NRG2: variants seen among roughly 807,000 people sequenced by gnomAD.
NRG2 encodes pro-neuregulin-2, membrane-bound isoform.
In NRG2, 27 loss-of-function variants were observed where a neutral mutation model predicts 73.9. The ratio of observed to expected loss-of-function variants is 0.37; its 90% CI spans 0.27 to 0.50. The LOEUF is 0.50. Among genes scored for constraint, NRG2 ranks in the 20% least tolerant of loss-of-function variants. The pLI is 0.96. For synonymous variants in NRG2, 532 were observed against 541.0 expected (o/e 0.98, Z 0.23); for missense variants, 1,126 against 1,210.1 (o/e 0.93, Z 1.03).
At chr5:139,848,751 AG>A (rs1039990140) in intron 9 of NRG2, 54 bp from the exon 10 acceptor site, 70 of 41,176 alleles carry the variant, frequency 1.7e-3, no homozygotes, top group Non-Finnish European at 2.1e-3. Context: ...GGCGCGGGGG[AG>A]GGGGGGTTGG....
chr5:139,905,356 G>A (rs914080360), intron 1 of NRG2, among the ~76,000 whole-genome samples: 4 of 152,208 alleles, frequency 2.6e-5, no homozygotes, highest in Non-Finnish European at 2.9e-5. Flanking sequence ...CTGAGCCTGC[G>A]GTTTGCCTGC....
intron 1 of NRG2, among the ~76,000 whole-genome samples, chr5:140,034,820 C>T (rs571091615): frequency 1.3e-5 from 2 of 152,080 alleles, no homozygotes; most frequent in Non-Finnish European, 2.9e-5. Context: ...TGTGCAAGAC[C>T]CATTCACTGA....
chr5:139,930,310 A>G (rs1452746275), intron 1 of NRG2, among the ~76,000 whole-genome samples: 1 of 152,254 alleles, frequency 6.6e-6, no homozygotes, highest in Admixed American at 6.5e-5. Flanking sequence ...GGAGTAAACC[A>G]AAGGACTTGG....
intron 2 of NRG2, among the ~76,000 whole-genome samples, chr5:139,883,390 C>T (rs575498455): frequency 2.0e-5 from 3 of 150,486 alleles, no homozygotes; most frequent in South Asian, 4.4e-4. Context: ...AGGGAACATG[C>T]GATTCTGCAG....
intron 5 of NRG2, chr5:139,861,797 G>T (rs1458806031): frequency 2.0e-6 from 1 of 508,860 alleles, no homozygotes; most frequent in South Asian, 1.4e-5. Context: ...AGTAGTTAAT[G>T]CTGTGGCCCA....
intron 1 of NRG2, among the ~76,000 whole-genome samples, chr5:139,937,935 G>A (rs774769478): frequency 5.4e-4 from 82 of 152,196 alleles, no homozygotes; most frequent in Admixed American, 1.3e-3. Context: ...GAAACAACCC[G>A]GACAAGGTGG....
At chr5:139,877,210 C>T (rs77864329) in intron 3 of NRG2, among the ~76,000 whole-genome samples, 7,674 of 152,268 alleles carry the variant, frequency 0.05, 260 homozygotes, top group South Asian at 0.085. Flanking sequence ...AAACTTCCTG[C>T]CGACTCCTCC....
chr5:139,964,371 C>T (rs1755325484), intron 1 of NRG2, among the ~76,000 whole-genome samples: 1 of 151,772 alleles, frequency 6.6e-6, no homozygotes, highest in African/African-American at 2.4e-5. Flanking sequence ...CACACACACA[C>T]ACACACACAC....
rs551641168 is a variant in NRG2 at position 139,957,640 on chromosome 5, G to A, written c.701-70129C>T. Among the ~76,000 whole-genome samples the A allele has an allele frequency of 4.6e-5, 7 of 152,310 alleles. No homozygotes were observed. In the South Asian group the frequency reaches 1.5e-3, roughly 32 times the overall value. ...CTCTGCCTGATATGCAGAGTAGGGG[G>A]AGCCTCTTTCCTGGGGTGAGGCACT... On this transcript the variant is annotated intron_variant, in intron 1 of 9. Coordinates refer to ENST00000361474, the MANE Select transcript of NRG2 (RefSeq NM_004883.3).
intron 1 of NRG2, among the ~76,000 whole-genome samples, chr5:140,035,204 A>T (rs902111570): frequency 3.3e-5 from 5 of 152,136 alleles, no homozygotes; most frequent in Non-Finnish European, 7.3e-5. Context: ...TGAAATAATC[A>T]ATTGATTCAT....
At chr5:139,897,628 A>G (rs1309562596) in intron 1 of NRG2, among the ~76,000 whole-genome samples, 1 of 152,186 alleles carries the variant, frequency 6.6e-6, no homozygotes, top group Non-Finnish European at 1.5e-5. Context: ...AGGCCAAGTA[A>G]ATGAATTAAT....
chr5:139,932,677 T>A (rs1291017562), intron 1 of NRG2, among the ~76,000 whole-genome samples: 1 of 152,164 alleles, frequency 6.6e-6, no homozygotes, highest in Admixed American at 6.5e-5. Flanking sequence ...ATCTACTTTA[T>A]TATAGTAAGT....
At chr5:140,028,009 T>G (rs1760837908) in intron 1 of NRG2, among the ~76,000 whole-genome samples, 1 of 152,214 alleles carries the variant, frequency 6.6e-6, no homozygotes, top group Admixed American at 6.5e-5. Context: ...ATTTCAAAAC[T>G]GCTAGGGACT....
intron 1 of NRG2, among the ~76,000 whole-genome samples, chr5:139,958,129 G>T (rs1754776077): frequency 6.6e-6 from 1 of 152,100 alleles, no homozygotes; most frequent in Non-Finnish European, 1.5e-5. Context: ...GCAATGCAAG[G>T]CCTGACTACA....
Position 139,868,202 on chromosome 5 carries a change from A to G in NRG2, c.1113-2577T>C, listed in dbSNP as rs1180577535. Among the ~76,000 whole-genome samples the G allele has an allele frequency of 2.0e-5, 3 of 151,824 alleles. No individual in the cohort carries two copies. The highest frequency in any genetic ancestry group is 7.3e-5 in the African/African-American group (3 of 41,286). Reference sequence around the variant, plus strand: ...TAGCTCCTTCAGGGACCTCCTGGACACTCCTATGTCTCTCCTTAGTCCTGT... The same window carrying G: ...TAGCTCCTTCAGGGACCTCCTGGACGCTCCTATGTCTCTCCTTAGTCCTGT... On this transcript the variant is annotated intron_variant, in intron 4 of 9. Transcript: ENST00000361474. This position sits in a 1 kb window ranked among gnomAD's most constrained non-coding sequence, Gnocchi z 4.2.
intron 1 of NRG2, among the ~76,000 whole-genome samples, chr5:140,031,726 T>C (rs1761172435): frequency 6.6e-6 from 1 of 152,106 alleles, no homozygotes; most frequent in African/African-American, 2.4e-5. Context: ...AATCTATTGC[T>C]GGTCTAAGCA....
chr5:139,867,817 T>C (rs1218351635), intron 4 of NRG2, among the ~76,000 whole-genome samples: 3 of 149,944 alleles, frequency 2.0e-5, no homozygotes, highest in Non-Finnish European at 4.4e-5. Flanking sequence ...TGTGTGTGTG[T>C]GTGTGTGTGT....
At chr5:139,967,509 C>G (rs1174287862) in intron 1 of NRG2, among the ~76,000 whole-genome samples, 1 of 152,130 alleles carries the variant, frequency 6.6e-6, no homozygotes, top group Non-Finnish European at 1.5e-5. Context: ...GGTGGGCCCA[C>G]GAGAGGGCAG....
chr5:139,951,896 T>C (rs926008581), intron 1 of NRG2, among the ~76,000 whole-genome samples: 1 of 152,226 alleles, frequency 6.6e-6, no homozygotes, highest in African/African-American at 2.4e-5. Flanking sequence ...ATCCAGGTCA[T>C]GCAGTGGCCA....
Sources: gnomAD v4.1 joint callset for allele counts (sites outside exome capture counted in the v4.1 genomes callset) on GRCh38, gnomAD v4.1.1 for gene constraint, Gnocchi (gnomAD v3.1) non-coding constraint, MANE v1.5 for transcripts, NCBI Gene and HGNC (gene_info 2026-07-23, HGNC 2026-07-21) for gene names.